RNF144A: variants seen among roughly 807,000 people sequenced by gnomAD.
The protein encoded by RNF144A is ring finger protein 144A.
RNF144A carries 11 observed loss-of-function variants against 38.7 expected under a neutral mutation model. That is an observed-to-expected ratio of 0.28 (90% CI 0.18 to 0.47). The LOEUF is 0.47. Ranked by LOEUF, RNF144A falls within the 20% of genes least tolerant of loss-of-function variation. The pLI, the probability that RNF144A is intolerant of heterozygous loss-of-function variation, is 0.99. For missense variants in RNF144A, 316 were observed against 377.2 expected, an observed-to-expected ratio of 0.84 and a Z score of 1.34; for synonymous variants, 149 against 143.9, an observed-to-expected ratio of 1.04 and a Z score of -0.25.
chr2:7,041,470 A>T lies in RNF144A; in HGVS notation c.*1710A>T. 1 of 985,926 alleles carries T rather than the reference A, an allele frequency of 1.0e-6. No individual in the cohort carries two copies. The highest frequency in any genetic ancestry group is 1.2e-6 in the Non-Finnish European group (1 of 829,934). 61.1% of individuals were successfully genotyped at this position (985,926 alleles called of 1,614,324 possible). ...TTCAAAAAGCTCTCCTTGTAATTGC[A>T]AGTTTAGTAACTCAGTAAGAACATG... On this transcript the variant is annotated 3_prime_UTR_variant, in exon 9 of 9. Coordinates refer to ENST00000320892, the MANE Select transcript of RNF144A (RefSeq NM_014746.6).
intron 2 of RNF144A, among the ~76,000 whole-genome samples, chr2:6,947,645 A>AT (rs747610612): frequency 4.6e-5 from 7 of 152,166 alleles, no homozygotes; most frequent in Admixed American, 1.3e-4. Context: ...GTTCTATTGA[A>AT]TTTTTTTGAT....
rs549811645 is a variant in RNF144A at position 6,931,210 on chromosome 2, C to A, written c.-211-9738C>A. Among the ~76,000 whole-genome samples the A allele has an allele frequency of 6.6e-5, 10 of 152,340 alleles. No homozygotes were observed. In the East Asian group the frequency reaches 1.3e-3, roughly 21 times the overall value. ...AGACTGTGGGGACAGAGACAGGATC[C>A]TGCTCAAGACTTCAGGCCCCACTGG... On this transcript the variant is annotated intron_variant, in intron 1 of 8. Transcript: ENST00000320892.
chr2:7,019,946 T>A (rs1338391632), intron 5 of RNF144A, among the ~76,000 whole-genome samples: 1 of 152,164 alleles, frequency 6.6e-6, no homozygotes, highest in Admixed American at 6.5e-5. Flanking sequence ...AACCATTTGG[T>A]TAGAAGAACA....
In RNF144A at chr2:7,038,987, TTGGA is replaced by T. The variant is rs545199143; in HGVS notation, c.748-634_748-631del. ...TAGGTATTGATGGGTGGGTGGATGGTTGGATGGATGGGTAAATGGATGGGTGGAT... is the reference window on the plus strand; with the variant it reads ...TAGGTATTGATGGGTGGGTGGATGGTTGGATGGGTAAATGGATGGGTGGAT... On this transcript the variant is annotated intron_variant, in intron 8 of 8. Coordinates refer to ENST00000320892, the MANE Select transcript of RNF144A (RefSeq NM_014746.6). 2.7e-5 allele frequency among the ~76,000 whole-genome samples: 4 copies of T among 150,340 alleles called. No individual in the cohort carries two copies. The South Asian group carries it at 6.3e-4, about 24-fold the overall frequency.
chr2:6,920,775 A>C (rs1664492864), intron 1 of RNF144A, among the ~76,000 whole-genome samples: 1 of 152,250 alleles, frequency 6.6e-6, no homozygotes, highest in Admixed American at 6.5e-5. Flanking sequence ...TTACTGAAAC[A>C]CATGAATACC....
At chr2:7,067,831 T>C in intron 6 of RNF144A, among the ~76,000 whole-genome samples, 1 of 152,174 alleles carries the variant, frequency 6.6e-6, no homozygotes, top group Non-Finnish European at 1.5e-5. Context: ...GCTAAGTCAG[T>C]TTATCAAGAA....
chr2:6,929,528 G>T (rs1665079865), intron 1 of RNF144A, among the ~76,000 whole-genome samples: 1 of 152,102 alleles, frequency 6.6e-6, no homozygotes, highest in Non-Finnish European at 1.5e-5. Context: ...AGGGACATTG[G>T]GATCCTGCCT....
At chr2:6,971,066 A>G (rs892418221) in intron 2 of RNF144A, among the ~76,000 whole-genome samples, 1 of 152,214 alleles carries the variant, frequency 6.6e-6, no homozygotes, top group African/African-American at 2.4e-5. Context: ...ACTTTGTAAA[A>G]TAACTGGCAA....
At chr2:6,942,021 C>T (rs943430246) in intron 2 of RNF144A, among the ~76,000 whole-genome samples, 2 of 152,234 alleles carry the variant, frequency 1.3e-5, no homozygotes, top group African/African-American at 4.8e-5. Flanking sequence ...GGGTCTATTT[C>T]ATTTTAAATG....
intron 1 of RNF144A, among the ~76,000 whole-genome samples, chr2:6,920,007 C>T (rs184805148): frequency 6.6e-5 from 10 of 152,314 alleles, no homozygotes; most frequent in African/African-American, 1.9e-4. Flanking sequence ...GAGTAAGTCA[C>T]GTCTCCTGGG....
rs1485646256 is a variant in RNF144A at position 6,994,578 on chromosome 2, C to CG, written c.-11-2337dup. 9.9e-5 allele frequency among the ~76,000 whole-genome samples: 15 copies of CG among 152,100 alleles called. 1 individual carries two copies. In the East Asian group the frequency reaches 2.9e-3, roughly 29 times the overall value. On this transcript the variant is annotated intron_variant, in intron 2 of 8. Transcript: ENST00000320892. ...CAAATGAATATGACCCTGGGGAGGA[C>CG]GCCTTGATGTCTGTACCCCCTGCAG...
intron 2 of RNF144A, among the ~76,000 whole-genome samples, chr2:6,981,253 GC>G (rs1293804773): frequency 1.3e-5 from 2 of 152,136 alleles, no homozygotes; most frequent in Admixed American, 1.3e-4. Flanking sequence ...TCTGCAGCGG[GC>G]TTGAATTTCT....
chr2:7,038,990 G>GATGGATGGGTAA (rs1284284782), intron 8 of RNF144A, among the ~76,000 whole-genome samples: 4 of 152,108 alleles, frequency 2.6e-5, no homozygotes, highest in Non-Finnish European at 5.9e-5. Flanking sequence ...TGGATGGTTG[G>GATGGATGGGTAA]ATGGATGGGT....
rs772889501 is a variant in RNF144A, at chr2:7,024,420, G to A, written c.561G>A (p.Lys187=). The part of the protein sequence containing the change: ...EDDAPIKRCP[K]CKVYIERDEG... The stretch of plus-strand genomic sequence containing the variant: ...ACGCGCCCATCAAGCGCTGCCCCAA[G>A]TGCAAAGTCTACATCGAGCGAGACG... Residue 187 remains lysine (K), a synonymous_variant, in exon 7 of 9, where the codon AAG becomes AAA. Coordinates refer to ENST00000320892, the MANE Select transcript of RNF144A (RefSeq NM_014746.6). 1 of 1,612,678 alleles carries A rather than the reference G, an allele frequency of 6.2e-7. No homozygotes were observed.
At chr2:7,006,169 G>A (rs1297951982) in intron 3 of RNF144A, among the ~76,000 whole-genome samples, 4 of 152,036 alleles carry the variant, frequency 2.6e-5, no homozygotes, top group African/African-American at 4.8e-5. Context: ...ACAGCTTGAC[G>A]AGGGTCTGGA....
At chr2:6,973,857 C>T (rs139533053) in intron 2 of RNF144A, among the ~76,000 whole-genome samples, 2 of 152,196 alleles carry the variant, frequency 1.3e-5, no homozygotes, top group African/African-American at 4.8e-5. Context: ...GCTTCGTGCT[C>T]CAGCATCAGA....
At position 7,007,777 on chromosome 2, in the gene RNF144A, G is replaced by A. The variant is rs532694625; in HGVS notation, c.136-6677G>A. ...CTTCGTGATGAAGCCGTGGCTGGGT[G>A]AAATATGCATTTTTGCTCCTCTGTG... On this transcript the variant is annotated intron_variant, in intron 3 of 8. Coordinates refer to ENST00000320892, the MANE Select transcript of RNF144A (RefSeq NM_014746.6). Among the ~76,000 whole-genome samples, 99 of 152,340 alleles carry A rather than the reference G, an allele frequency of 6.5e-4. 1 individual carries two copies. The highest frequency in any genetic ancestry group is 2.1e-3 in the African/African-American group (88 of 41,568).
In RNF144A at chr2:7,002,805, C is replaced by T. The variant is rs148301896; in HGVS notation, c.135+5744C>T. Among the ~76,000 whole-genome samples, 7 of 152,096 alleles carry T rather than the reference C, an allele frequency of 4.6e-5. No individual in the cohort carries two copies. In the East Asian group the frequency reaches 1.4e-3, roughly 29 times the overall value. On this transcript the variant is annotated intron_variant, in intron 3 of 8. Transcript: ENST00000320892. ...AGGTGTGGAACAGCCTGAGGCAGGT[C>T]CTTTAGGAGGCATCAGAAGAAGGCA...
chr2:7,017,757 A>G (rs1012495741), intron 5 of RNF144A, among the ~76,000 whole-genome samples: 2 of 147,544 alleles, frequency 1.4e-5, no homozygotes, highest in Non-Finnish European at 3.0e-5. Context: ...ATTGGGGAGG[A>G]TAATGCAGAA....
Sources: gnomAD v4.1 joint callset for allele counts (sites outside exome capture counted in the v4.1 genomes callset) on GRCh38, gnomAD v4.1.1 for gene constraint, MANE v1.5 for transcripts, NCBI Gene and HGNC (gene_info 2026-07-23, HGNC 2026-07-21) for gene names.